Variants in ASCC2 observed in about 807,000 individuals in gnomAD.
The protein encoded by ASCC2 is ASC-1 complex subunit P100.
ASCC2 carries 42 observed loss-of-function variants against 93.5 expected under a neutral mutation model. The ratio of observed to expected loss-of-function variants is 0.45; its 90% CI spans 0.35 to 0.58. ASCC2 has a LOEUF of 0.58. Among genes scored for constraint, ASCC2 ranks in the 20% least tolerant of loss-of-function variants. The probability of loss-of-function intolerance (pLI) is 0.00; values close to 1 mark genes in which losing one functional copy is unlikely to be tolerated. For synonymous variants in ASCC2, 364 were observed against 384.2 expected (o/e 0.95, Z 0.62); for missense variants, 859 against 977.6 (o/e 0.88, Z 1.62).
At chr22:29,828,002 A>T (rs1076137) in intron 2 of ASCC2, among the ~76,000 whole-genome samples, 1 of 110,312 alleles carries the variant, frequency 9.1e-6, no homozygotes, top group Admixed American at 8.9e-5. Context: ...TACTTTCCCT[A>T]CAATCCCACA....
chr22:29,788,694 G>A lies in ASCC2; in HGVS notation c.*319C>T, dbSNP rs1404460237. Reference sequence around the variant, plus strand: ...TCCTGCTGTCCAGGGTAAAGGGGAAGTGGTGTCTTGTGGCCCGAGGTTTGG... The same window carrying A: ...TCCTGCTGTCCAGGGTAAAGGGGAAATGGTGTCTTGTGGCCCGAGGTTTGG... On this transcript the variant is annotated 3_prime_UTR_variant, in exon 20 of 20. Coordinates refer to ENST00000307790, the MANE Select transcript of ASCC2 (RefSeq NM_032204.5). 1 of 402,594 alleles carries A rather than the reference G, an allele frequency of 2.5e-6. No individual in the cohort carries two copies. Among genetic ancestry groups the A allele is most frequent in the Non-Finnish European group, 4.6e-6 (1 of 218,186 alleles). 24.9% of individuals were successfully genotyped at this position (402,594 alleles called of 1,614,324 possible).
rs1293837202 is a variant in ASCC2 at position 29,808,114 on chromosome 22, C to T, written c.905G>A (p.Ser302Asn). ...SAIKKRRLED[S>N]KLLGDLWQRL... ...CTTAATTTTGTCCCCGCCTCACTTGCTATCTTCAAGCCTCCTCTTCTTAAT... is the reference window on the plus strand; with the variant it reads ...CTTAATTTTGTCCCCGCCTCACTTGTTATCTTCAAGCCTCCTCTTCTTAAT... The change falls in exon 9 of 20, where the codon AGC (serine) becomes AAC (asparagine). Residue 302 changes from serine to asparagine, a missense_variant. Coordinates refer to ENST00000307790, the MANE Select transcript of ASCC2 (RefSeq NM_032204.5). 1 of 1,614,196 alleles carries T rather than the reference C, an allele frequency of 6.2e-7. No individual in the cohort carries two copies. The highest frequency in any genetic ancestry group is 1.1e-5 in the South Asian group (1 of 91,086).
intron 5 of ASCC2, among the ~76,000 whole-genome samples, chr22:29,818,149 G>A (rs1372174353): frequency 6.7e-6 from 1 of 149,894 alleles, no homozygotes; most frequent in Non-Finnish European, 1.5e-5. Context: ...TCTACTCACA[G>A]AACACTCAAC....
At chr22:29,807,235 C>CA (rs553545816) in intron 9 of ASCC2, among the ~76,000 whole-genome samples, 4,669 of 44,078 alleles carry the variant, frequency 0.11, 317 homozygotes, top group African/African-American at 0.2. Flanking sequence ...GACCCTGTCT[C>CA]AAAAAAAAAA....
At chr22:29,810,951 G>A (rs188731661) in intron 8 of ASCC2, among the ~76,000 whole-genome samples, 158 of 152,176 alleles carry the variant, frequency 1.0e-3, no homozygotes, top group Middle Eastern at 6.8e-3. Flanking sequence ...GGCTGGTCTC[G>A]AACTCCTGAC....
chr22:29,800,929 C>A, intron 15 of ASCC2, 62 bp downstream of exon 15: 1 of 1,523,554 alleles, frequency 6.6e-7, no homozygotes, highest in Non-Finnish European at 8.9e-7. Context: ...CCTTGGTTTC[C>A]CTGTGTCCTC....
chr22:29,806,124 C>A (rs1255365131), intron 12 of ASCC2, 92 bp downstream of exon 12: 1 of 1,421,036 alleles, frequency 7.0e-7, no homozygotes, highest in African/African-American at 1.4e-5. Context: ...TGGGGCTAAA[C>A]CTCTTTCCAC....
In ASCC2 at chr22:29,832,275, C is replaced by T; in HGVS notation, c.51G>A (p.Lys17=). The T allele has an allele frequency of 1.2e-6, 2 of 1,614,036 alleles. No individual in the cohort carries two copies. The highest frequency in any genetic ancestry group is 8.5e-7 in the Non-Finnish European group (1 of 1,179,964). ...DQLQITHKDP[K]TGKLRTSPAL... The stretch of plus-strand genomic sequence containing the variant: ...CTGGTGAAGTCCTCAGCTTTCCTGT[C>T]TTCGGGTCCTTGTGGGTGATCTGGA... The change falls in exon 2 of 20, where the codon AAG becomes AAA. Residue 17 remains lysine, a synonymous_variant. Transcript: ENST00000307790.
chr22:29,801,870 T>G, intron 14 of ASCC2, 124 bp downstream of exon 14: 1 of 871,014 alleles, frequency 1.1e-6, no homozygotes. Flanking sequence ...GGGCTTTAGT[T>G]TAAATGGCTG....
At chr22:29,821,888 A>T (rs1486975989) in intron 5 of ASCC2, 1 of 431,652 alleles carries the variant, frequency 2.3e-6, no homozygotes, top group Middle Eastern at 4.2e-4. Flanking sequence ...AGTCCCAGGT[A>T]CCTGGGAGGC....
chr22:29,834,500 C>T (rs1279755991), intron 1 of ASCC2: 1 of 470,970 alleles, frequency 2.1e-6, no homozygotes, highest in East Asian at 6.9e-5. Flanking sequence ...TGTTCCAGCT[C>T]TAGGATCCCA....
chr22:29,801,791 ACT>A lies in ASCC2; in HGVS notation c.1568+201_1568+202del, dbSNP rs545698890. 9.2e-5 allele frequency among the ~76,000 whole-genome samples: 14 copies of A among 152,042 alleles called. No homozygotes were observed. The East Asian group carries it at 2.5e-3, about 27-fold the overall frequency. ...CACAAAGTGTGGCAGGGATGTGTACACTCTCTGCCCTGCCTGGGGCAAGTGAA... is the reference window on the plus strand; with the variant it reads ...CACAAAGTGTGGCAGGGATGTGTACACTCTGCCCTGCCTGGGGCAAGTGAA... On this transcript the variant is annotated intron_variant, in intron 14 of 19. Coordinates refer to ENST00000307790, the MANE Select transcript of ASCC2 (RefSeq NM_032204.5).
chr22:29,810,062 C>T (rs759751164), intron 8 of ASCC2: 1 of 152,374 alleles, frequency 6.6e-6, no homozygotes, highest in Non-Finnish European at 1.5e-5. Flanking sequence ...CAGAGATCAG[C>T]ACTCCCACAG....
chr22:29,825,809 T>C lies in ASCC2; in HGVS notation c.82-29A>G, dbSNP rs1357362919. ...CGGATCCAAAAACCACGTGTTAACGTGGCAGAGGTTAGTCAGCGAGGGCCC... is the reference window on the plus strand; with the variant it reads ...CGGATCCAAAAACCACGTGTTAACGCGGCAGAGGTTAGTCAGCGAGGGCCC... On this transcript the variant is annotated intron_variant, in intron 2 of 19. Coordinates refer to ENST00000307790, the MANE Select transcript of ASCC2 (RefSeq NM_032204.5). The surrounding 1 kb of genome is among the most constrained non-coding windows in gnomAD (Gnocchi z 4.9). 1 of 1,585,138 alleles carries C rather than the reference T, an allele frequency of 6.3e-7. No homozygotes were observed. Among genetic ancestry groups the C allele is most frequent in the South Asian group, 1.1e-5 (1 of 87,494 alleles).
chr22:29,810,995 T>C (rs1433815484), intron 8 of ASCC2, among the ~76,000 whole-genome samples: 2 of 152,188 alleles, frequency 1.3e-5, no homozygotes, highest in East Asian at 1.9e-4. Flanking sequence ...CCTCCCAAAG[T>C]GCTGGAATTA....
intron 5 of ASCC2, among the ~76,000 whole-genome samples, chr22:29,819,779 CTAAGAATT>C (rs762828432): frequency 2.6e-5 from 4 of 152,172 alleles, no homozygotes; most frequent in Non-Finnish European, 4.4e-5. Context: ...GCAAACTGGC[CTAAGAATT>C]GTTTCTCTAA....
At chr22:29,822,583 T>TATGCATAG in intron 4 of ASCC2, 119 bp from the exon 5 acceptor site, 1 of 1,216,432 alleles carries the variant, frequency 8.2e-7, no homozygotes, top group Non-Finnish European at 1.1e-6. Context: ...AATGATGCCT[T>TATGCATAG]ATGCATAGAC....
intron 15 of ASCC2, among the ~76,000 whole-genome samples, chr22:29,798,457 C>A (rs905495593): frequency 1.6e-4 from 25 of 152,244 alleles, no homozygotes; most frequent in African/African-American, 5.1e-4. Flanking sequence ...CCCTCTGCAG[C>A]CTCAAAGGAA....
At position 29,825,528 on chromosome 22, in the gene ASCC2, A is replaced by G. The variant is rs2062185060; in HGVS notation, c.240+94T>C. ...AGGATCCAGTGAAAGAAGTAGACAA[A>G]AAAGCACCTCCTAGGGGAAGAAAAA... On this transcript the variant is annotated intron_variant, in intron 3 of 19. Transcript: ENST00000307790. This position sits in a 1 kb window ranked among gnomAD's most constrained non-coding sequence, Gnocchi z 4.9. 6.4e-7 allele frequency: 1 copy of G among 1,564,574 alleles called. No homozygotes were observed. The highest frequency in any genetic ancestry group is 1.4e-5 in the African/African-American group (1 of 73,694).
Sources: allele counts gnomAD v4.1 joint callset (sites outside exome capture counted in the v4.1 genomes callset), GRCh38; gene constraint gnomAD v4.1.1; non-coding constraint Gnocchi (gnomAD v3.1); transcripts MANE v1.5; gene names NCBI Gene and HGNC (gene_info 2026-07-23, HGNC 2026-07-21).